Variants in CFAP46 observed in about 807,000 individuals in gnomAD.
CFAP46 encodes cilia- and flagella-associated protein 46.
Under a neutral mutation model 325.7 loss-of-function variants are expected in CFAP46, and 245 were observed. That is an observed-to-expected ratio of 0.75 (90% confidence interval 0.68 to 0.84). The LOEUF (loss-of-function observed/expected upper bound fraction) is 0.84. Ranked by LOEUF, CFAP46 falls within the 40% of genes least tolerant of loss-of-function variation. The pLI is 0.00. For missense variants in CFAP46, 3,346 were observed against 3,543.0 expected (o/e 0.94, Z 1.41); for synonymous variants, 1,523 against 1,495.9 (o/e 1.02, Z -0.42).
rs1849035301 is a variant in CFAP46, at chr10:132,881,039, G to A, written c.3628-7C>T. On this transcript the variant is annotated splice_region_variant and splice_polypyrimidine_tract_variant and intron_variant, in intron 27 of 57. Transcript: ENST00000368586. ...GCCACTCCATCTCAGGCTTCTGTGG[G>A]ATTGAACAGGAAGGGTGACATCCTC... 6.5e-7 allele frequency: 1 copy of A among 1,550,146 alleles called. No individual in the cohort carries two copies. The highest frequency in any genetic ancestry group is 1.4e-5 in the African/African-American group (1 of 73,054).
chr10:132,820,707 T>A (rs1343826689), intron 50 of CFAP46, among the ~76,000 whole-genome samples: 4 of 100,230 alleles, frequency 4.0e-5, no homozygotes, highest in Admixed American at 1.3e-4. Context: ...ATGTGTGCTG[T>A]GTGTGCGCTG....
intron 24 of CFAP46, among the ~76,000 whole-genome samples, chr10:132,895,991 G>A (rs1849313530): frequency 1.1e-5 from 1 of 89,116 alleles, no homozygotes; most frequent in South Asian, 3.9e-4. Flanking sequence ...ATGAGACACG[G>A]CGAGAAGGCA....
chr10:132,901,518 C>A (rs748071553), intron 22 of CFAP46, among the ~76,000 whole-genome samples: 3 of 152,222 alleles, frequency 2.0e-5, no homozygotes, highest in Non-Finnish European at 4.4e-5. Flanking sequence ...CTGAGTCCTA[C>A]TCCACGTCAC....
chr10:132,862,867 A>T, intron 35 of CFAP46, among the ~76,000 whole-genome samples: 1 of 152,118 alleles, frequency 6.6e-6, no homozygotes, highest in Non-Finnish European at 1.5e-5. Context: ...GGAGGGCAGC[A>T]CATGGAGGCA....
At chr10:132,926,203 G>A (rs1181936581) in intron 10 of CFAP46, among the ~76,000 whole-genome samples, 1 of 152,210 alleles carries the variant, frequency 6.6e-6, no homozygotes, top group African/African-American at 2.4e-5. Flanking sequence ...ACTCAAGTGA[G>A]GCTGGCAGAA....
At chr10:132,813,492 C>T (rs1345212686) in intron 54 of CFAP46, among the ~76,000 whole-genome samples, 1 of 146,722 alleles carries the variant, frequency 6.8e-6, no homozygotes, top group Non-Finnish European at 1.5e-5. Flanking sequence ...CACACACCTG[C>T]CCCTGCACAC....
intron 33 of CFAP46, among the ~76,000 whole-genome samples, 167 bp from the exon 34 acceptor site, chr10:132,867,674 C>G (rs1476226696): frequency 6.6e-6 from 1 of 152,198 alleles, no homozygotes; most frequent in Non-Finnish European, 1.5e-5. Context: ...ATCCGACTCC[C>G]AAATTTGTGT....
intron 50 of CFAP46, among the ~76,000 whole-genome samples, chr10:132,823,074 T>C (rs1201539153): frequency 7.2e-6 from 1 of 139,748 alleles, no homozygotes; most frequent in East Asian, 2.3e-4. Flanking sequence ...TGATGTGTGC[T>C]GTGTGTGCTG....
rs1156264941 is a variant in CFAP46 at position 132,827,570 on chromosome 10, T to C, written c.7117+5788A>G. Reference sequence around the variant, plus strand: ...CACAGGAAGGCTCGGAGTGCCAGAGTACAGAGTCCAATTTGAGCATTGTTC... The same window carrying C: ...CACAGGAAGGCTCGGAGTGCCAGAGCACAGAGTCCAATTTGAGCATTGTTC... On this transcript the variant is annotated intron_variant, in intron 50 of 57. Coordinates refer to ENST00000368586, the MANE Select transcript of CFAP46 (RefSeq NM_001200049.3). This position sits in a 1 kb window ranked among gnomAD's most constrained non-coding sequence, Gnocchi z 5.7. 2.0e-5 allele frequency among the ~76,000 whole-genome samples: 3 copies of C among 151,646 alleles called. No homozygotes were observed. The highest frequency in any genetic ancestry group is 4.4e-5 in the Non-Finnish European group (3 of 67,960).
chr10:132,906,305 T>C (rs1038326166), intron 22 of CFAP46, among the ~76,000 whole-genome samples: 2 of 152,186 alleles, frequency 1.3e-5, no homozygotes, highest in East Asian at 3.9e-4. Flanking sequence ...AGGCAGTGCT[T>C]ATAGCCCATC....
chr10:132,898,971 C>T lies in CFAP46; in HGVS notation c.3207G>A (p.Glu1069=). ...KRLIGIINKT[E]ARKQEKGKTL... is the part of the protein sequence containing the mutation. ...AGGGCTGGTGCACCTGCTTTCTGGC[C>T]TCTGTCTTGTTGATGATGCCGATGA... Residue 1069 remains glutamate, a synonymous_variant, in exon 24 of 58, where the codon GAG becomes GAA. Coordinates refer to ENST00000368586, the MANE Select transcript of CFAP46 (RefSeq NM_001200049.3). 6 of 1,550,574 alleles carry T rather than the reference C, an allele frequency of 3.9e-6. No homozygotes were observed. The highest frequency in any genetic ancestry group is 5.2e-6 in the Non-Finnish European group (6 of 1,146,988).
chr10:132,904,647 C>T (rs559156440), intron 22 of CFAP46, among the ~76,000 whole-genome samples: 1 of 152,386 alleles, frequency 6.6e-6, no homozygotes, highest in South Asian at 2.1e-4. Context: ...CCGCTCTGCC[C>T]TCCACACTTG....
chr10:132,886,038 T>C lies in CFAP46; in HGVS notation c.3305-79A>G, dbSNP rs2135399882. The C allele has an allele frequency of 1.3e-6, 2 of 1,508,762 alleles. No homozygotes were observed. The highest frequency in any genetic ancestry group is 2.5e-5 in the East Asian group (1 of 40,360). 93.5% of individuals were successfully genotyped at this position (1,508,762 alleles called of 1,614,324 possible). ...CGCCCTCGGACCTCCCAGACTAAGC[T>C]GCCCATCACAGTGCCCCTGAGGTGG... On this transcript the variant is annotated intron_variant, in intron 25 of 57. Transcript: ENST00000368586. The surrounding 1 kb of genome is among the most constrained non-coding windows in gnomAD (Gnocchi z 5.8).
At chr10:132,892,935 A>T (rs1351819217) in intron 24 of CFAP46, among the ~76,000 whole-genome samples, 1 of 152,178 alleles carries the variant, frequency 6.6e-6, no homozygotes, top group Admixed American at 6.5e-5. Context: ...CCATCAGGTG[A>T]TGGTCAGGCA....
chr10:132,842,171 C>T (rs528733177), intron 44 of CFAP46, among the ~76,000 whole-genome samples: 38 of 152,328 alleles, frequency 2.5e-4, no homozygotes, highest in South Asian at 6.2e-4. Flanking sequence ...GAAGTAGCCA[C>T]GCAGCAGCCT....
intron 50 of CFAP46, among the ~76,000 whole-genome samples, chr10:132,824,297 T>C (rs2134912990): frequency 7.0e-6 from 1 of 143,854 alleles, no homozygotes; most frequent in East Asian, 2.1e-4. Flanking sequence ...TGCTGATGTG[T>C]GCTGTGTGCT....
chr10:132,812,099 C>CT (rs1287656449), intron 55 of CFAP46, among the ~76,000 whole-genome samples: 7 of 152,214 alleles, frequency 4.6e-5, no homozygotes, highest in Non-Finnish European at 1.0e-4. Flanking sequence ...CGGCACAAGG[C>CT]TGAGCCACGC....
intron 24 of CFAP46, among the ~76,000 whole-genome samples, chr10:132,897,295 G>A (rs73393266): frequency 0.062 from 9,491 of 152,154 alleles, 717 homozygotes; most frequent in African/African-American, 0.18. Context: ...GCATCAAATG[G>A]CATGATCAAA....
intron 9 of CFAP46, chr10:132,929,211 ATAAC>A (rs1228982340): frequency 1.4e-5 from 6 of 418,368 alleles, no homozygotes; most frequent in African/African-American, 7.9e-5. Flanking sequence ...ATTTATAACA[ATAAC>A]TAATAATAAG....
Sources: gnomAD v4.1 joint callset for allele counts (sites outside exome capture counted in the v4.1 genomes callset) on GRCh38, gnomAD v4.1.1 for gene constraint, Gnocchi (gnomAD v3.1) non-coding constraint, MANE v1.5 for transcripts, NCBI Gene and HGNC (gene_info 2026-07-23, HGNC 2026-07-21) for gene names.